DDX21: variants seen among roughly 807,000 people sequenced by gnomAD.
The protein encoded by DDX21 is nucleolar RNA helicase 2.
In DDX21, 18 loss-of-function variants were observed where a neutral mutation model predicts 90.0. The observed-to-expected ratio is 0.20, with a 90% CI of 0.14 to 0.30. The LOEUF (loss-of-function observed/expected upper bound fraction) is 0.30. Among genes scored for constraint, DDX21 ranks in the 10% least tolerant of loss-of-function variants. The pLI is 1.00. For missense variants in DDX21, 673 were observed against 944.5 expected (o/e 0.71, Z 3.77); for synonymous variants, 294 against 318.0 (o/e 0.92, Z 0.80).
In DDX21 at chr10:68,982,959, T is replaced by A; in HGVS notation, c.*147T>A. 1 of 964,774 alleles carries A rather than the reference T, an allele frequency of 1.0e-6. No homozygotes were observed. The highest frequency in any genetic ancestry group is 1.5e-6 in the Non-Finnish European group (1 of 661,256). 59.8% of individuals were successfully genotyped at this position (964,774 alleles called of 1,614,324 possible). On this transcript the variant is annotated 3_prime_UTR_variant, in exon 15 of 15. Transcript: ENST00000354185. ...TGTCTCTTTCAGACACAGACAAGCT[T>A]CATTTAAATTATTTCATCTGATCAT...
At chr10:68,969,300 A>G (rs1464621816) in intron 7 of DDX21, among the ~76,000 whole-genome samples, 179 bp downstream of exon 7, 1 of 152,066 alleles carries the variant, frequency 6.6e-6, no homozygotes, top group Admixed American at 6.6e-5. Context: ...TTATTTTTTG[A>G]GATGGAGTCT....
chr10:68,956,958 C>T (rs1368654336), intron 1 of DDX21, among the ~76,000 whole-genome samples: 1 of 151,628 alleles, frequency 6.6e-6, no homozygotes, highest in African/African-American at 2.4e-5. Flanking sequence ...AGGAGAATTG[C>T]TTGAACCCGG....
Position 68,960,052 on chromosome 10 carries a change from A to G in DDX21, c.334A>G (p.Lys112Glu). Residue 112 changes from lysine (K) to glutamate (E), a missense_variant, in exon 2 of 15, where the codon AAA (lysine) becomes GAA (glutamate). Physicochemically the swap from Lys to Glu is moderately conservative, Grantham distance 56. Coordinates refer to ENST00000354185, the MANE Select transcript of DDX21 (RefSeq NM_004728.4). ...AAAGAAAGTGGTTTCTTCTAAAACC[A>G]AAAAAGTGACAAAAAATGAGGAGCC... ...IEKKVVSSKT[K>E]KVTKNEEPSE... 1 of 1,604,642 alleles carries G rather than the reference A, an allele frequency of 6.2e-7. No homozygotes were observed. Among genetic ancestry groups the G allele is most frequent in the Non-Finnish European group, 8.5e-7 (1 of 1,177,990 alleles).
chr10:68,983,082 T>C lies in DDX21; in HGVS notation c.*270T>C. The C allele has an allele frequency of 2.1e-6, 1 of 470,906 alleles. No homozygotes were observed. Among genetic ancestry groups the C allele is most frequent in the Non-Finnish European group, 3.8e-6 (1 of 263,826 alleles). The allele number at this position is 470,906 out of a possible 1,614,324, so 29.2% of individuals were successfully genotyped here. A position where few individuals can be genotyped will look rare whatever the true frequency, so the allele number is the denominator to read the frequency against. On this transcript the variant is annotated 3_prime_UTR_variant, in exon 15 of 15. Coordinates refer to ENST00000354185, the MANE Select transcript of DDX21 (RefSeq NM_004728.4). ...TTATTCTAATGTATTATCTGTAGAT[T>C]AGAAGATAAAATCAAGCATGTATCT...
At chr10:68,979,914 C>T (rs895122413) in intron 13 of DDX21, among the ~76,000 whole-genome samples, 3 of 152,178 alleles carry the variant, frequency 2.0e-5, no homozygotes, top group African/African-American at 7.2e-5. Context: ...CATGCTTTAT[C>T]TCATCCTCAG....
rs971900408 is a variant in DDX21, at chr10:68,963,275, G to C, written c.608-16G>C. The stretch of plus-strand genomic sequence containing the variant: ...AAGAATTGCAGTGTGAGATAACACA[G>C]TTAATTTGTTCATAGGCCGAGGAGT... On this transcript the variant is annotated splice_polypyrimidine_tract_variant and intron_variant, in intron 3 of 14. Transcript: ENST00000354185. 1 of 1,598,602 alleles carries C rather than the reference G, an allele frequency of 6.3e-7. No homozygotes were observed. Among genetic ancestry groups the C allele is most frequent in the Non-Finnish European group, 8.5e-7 (1 of 1,172,542 alleles).
chr10:68,968,902 A>G, intron 6 of DDX21, 74 bp from the exon 7 acceptor site: 2 of 1,524,578 alleles, frequency 1.3e-6, no homozygotes, highest in Non-Finnish European at 1.8e-6. Context: ...CTGTGGAAGT[A>G]TTAGGTTAGG....
At position 68,956,170 on chromosome 10, in the gene DDX21, C is replaced by G. The variant is rs535886466; in HGVS notation, c.-56C>G. 1.7e-5 allele frequency: 27 copies of G among 1,583,432 alleles called. No individual in the cohort carries two copies. The highest frequency in any genetic ancestry group is 2.3e-5 in the Non-Finnish European group (27 of 1,156,588). On this transcript the variant is annotated 5_prime_UTR_variant, in exon 1 of 15. Transcript: ENST00000354185. Reference sequence around the variant, plus strand: ...GGGTGGACCCAGGGTGGGGAACTACCTCTTCCTCTCCACGCGGTTGAGAAG... The same window carrying G: ...GGGTGGACCCAGGGTGGGGAACTACGTCTTCCTCTCCACGCGGTTGAGAAG...
rs1843215322 is a variant in DDX21, at chr10:68,982,895, A to C, written c.*83A>C. 2 of 1,536,800 alleles carry C rather than the reference A, an allele frequency of 1.3e-6. No individual in the cohort carries two copies. The highest frequency in any genetic ancestry group is 2.5e-5 in the South Asian group (2 of 80,230). Reference sequence around the variant, plus strand: ...AACATTATTTTTCATGCAAAGTTAAAAGCACATTGTGCCTCCTTTTGACCA... The same window carrying C: ...AACATTATTTTTCATGCAAAGTTAACAGCACATTGTGCCTCCTTTTGACCA... On this transcript the variant is annotated 3_prime_UTR_variant, in exon 15 of 15. Transcript: ENST00000354185.
rs7899523 is a variant in DDX21, at chr10:68,969,959, T to A, written c.1237-242T>A. Among the ~76,000 whole-genome samples, 1,040 of 152,326 alleles carry A rather than the reference T, an allele frequency of 6.8e-3. 15 individuals are homozygous for A. Among genetic ancestry groups the A allele is most frequent in the African/African-American group, 0.024 (995 of 41,570 alleles). Reference sequence around the variant, plus strand: ...GTTGTCAGAAAATAAAGAAGTTAGATGCTCTTTAGAGAAAGGGGAGAGGCA... The same window carrying A: ...GTTGTCAGAAAATAAAGAAGTTAGAAGCTCTTTAGAGAAAGGGGAGAGGCA... On this transcript the variant is annotated intron_variant, in intron 7 of 14. Coordinates refer to ENST00000354185, the MANE Select transcript of DDX21 (RefSeq NM_004728.4).
At chr10:68,958,254 G>A (rs1456235579) in intron 1 of DDX21, among the ~76,000 whole-genome samples, 1 of 151,580 alleles carries the variant, frequency 6.6e-6, no homozygotes, top group Non-Finnish European at 1.5e-5. Context: ...GATTACAGGT[G>A]TGAGCCACTG....
rs1278884342 is a variant in DDX21, at chr10:68,956,268, A to G, written c.43A>G (p.Thr15Ala). ...TAGTGACGCTGGTTTGGAATCAGAC[A>G]CCGCAATGAAAAAAGGGGAGACACT... ...LRSDAGLESDTAMKKGETLRK... is the reference protein window; with the variant it reads ...LRSDAGLESDAAMKKGETLRK... Residue 15 changes from threonine (T) to alanine (A), a missense_variant, in exon 1 of 15, where the codon ACC (threonine) becomes GCC (alanine). This residue lies in a region of DDX21 where 204 missense variants were observed against 221.6 expected (regional missense o/e 0.92). Coordinates refer to ENST00000354185, the MANE Select transcript of DDX21 (RefSeq NM_004728.4). The G allele has an allele frequency of 2.5e-6, 4 of 1,614,018 alleles. No individual in the cohort carries two copies. The African/African-American group carries it at 4.0e-5, about 16-fold the overall frequency.
At chr10:68,971,781 AACAGGC>A in intron 8 of DDX21, 104 bp from the exon 9 acceptor site, 1 of 1,053,462 alleles carries the variant, frequency 9.5e-7, no homozygotes, top group Non-Finnish European at 1.4e-6. Context: ...TAATGTTTTC[AACAGGC>A]ATGTCACCAA....
intron 1 of DDX21, 54 bp downstream of exon 1, chr10:68,956,366 G>T (rs1189443853): frequency 3.0e-5 from 49 of 1,608,476 alleles, no homozygotes; most frequent in Non-Finnish European, 3.8e-5. Flanking sequence ...CGGAACCCCG[G>T]GGTGCGGGAG....
At position 68,960,149 on chromosome 10, in the gene DDX21, G is replaced by C; in HGVS notation, c.431G>C (p.Arg144Thr). 1 of 1,614,158 alleles carries C rather than the reference G, an allele frequency of 6.2e-7. No homozygotes were observed. Among genetic ancestry groups the C allele is most frequent in the Non-Finnish European group, 8.5e-7 (1 of 1,180,024 alleles). ...GAAAAGGAAATGAATGGAGAAACTA[G>C]AGAGAAAAGCCCCAAACTGAAGAAT... ...KKEKEMNGETREKSPKLKNGF... is the reference protein window; with the variant it reads ...KKEKEMNGETTEKSPKLKNGF... Residue 144 changes from arginine (R) to threonine (T), a missense_variant, in exon 2 of 15, where the codon AGA becomes ACA. Physicochemically the swap from Arg to Thr is moderately conservative, Grantham distance 71. Coordinates refer to ENST00000354185, the MANE Select transcript of DDX21 (RefSeq NM_004728.4).
At chr10:68,957,381 A>T (rs923157119) in intron 1 of DDX21, among the ~76,000 whole-genome samples, 3 of 152,068 alleles carry the variant, frequency 2.0e-5, no homozygotes, top group African/African-American at 7.3e-5. Flanking sequence ...CTTCCTAGTG[A>T]TTTAACTTGT....
At chr10:68,980,650 C>T (rs987523324) in intron 13 of DDX21, among the ~76,000 whole-genome samples, 1 of 152,024 alleles carries the variant, frequency 6.6e-6, no homozygotes, top group Non-Finnish European at 1.5e-5. Context: ...TATTAGTTAA[C>T]ACATAGTTTG....
Position 68,960,023 on chromosome 10 carries a change from T to C in DDX21, c.305T>C (p.Ile102Thr), listed in dbSNP as rs1842851959. ...TKSLRKKKEP[I>T]EKKVVSSKTK... ...AGTTTGAGAAAGAAAAAGGAGCCCA[T>C]TGAAAAGAAAGTGGTTTCTTCTAAA... The change falls in exon 2 of 15, where the codon ATT becomes ACT. Residue 102 changes from isoleucine (I) to threonine (T), a missense_variant. Coordinates refer to ENST00000354185, the MANE Select transcript of DDX21 (RefSeq NM_004728.4). 1 of 1,603,384 alleles carries C rather than the reference T, an allele frequency of 6.2e-7. No individual in the cohort carries two copies. The highest frequency in any genetic ancestry group is 1.4e-5 in the African/African-American group (1 of 73,928).
At chr10:68,974,834 T>G (rs868008942) in intron 11 of DDX21, 91 bp downstream of exon 11, 3 of 1,052,944 alleles carry the variant, frequency 2.8e-6, no homozygotes, top group Admixed American at 5.6e-5. Context: ...TTAAAAAAAT[T>G]TTTTTTTTAA....
Sources: allele counts gnomAD v4.1 joint callset (sites outside exome capture counted in the v4.1 genomes callset), GRCh38; gene constraint gnomAD v4.1.1; regional missense constraint gnomAD v4.1.1; transcripts MANE v1.5; gene names NCBI Gene and HGNC (gene_info 2026-07-23, HGNC 2026-07-21).